PARVB: variants seen among roughly 807,000 people sequenced by gnomAD.
PARVB encodes beta-parvin.
PARVB carries 46 observed loss-of-function variants against 47.0 expected under a neutral mutation model. The observed-to-expected ratio is 0.98, with a 90% CI of 0.77 to 1.25. The LOEUF (loss-of-function observed/expected upper bound fraction) is 1.25. Among genes scored for constraint, PARVB ranks in the 50% most tolerant of loss-of-function variants. The pLI is 0.00. For synonymous variants in PARVB, 196 were observed against 196.3 expected (o/e 1.00, Z 0.01); for missense variants, 473 against 471.6 (o/e 1.00, Z -0.03).
chr22:44,116,348 A>T (rs994464804), intron 3 of PARVB: 1 of 152,176 alleles, frequency 6.6e-6, no homozygotes, highest in Non-Finnish European at 1.5e-5. Flanking sequence ...GGTCGTCATC[A>T]CCTGTGCAGG....
At chr22:44,009,557 A>G (rs1180506977) in intron 2 of PARVB, 1 of 151,732 alleles carries the variant, frequency 6.6e-6, no homozygotes, top group Non-Finnish European at 1.5e-5. Context: ...AAAGGTTTAT[A>G]TATATATGTA....
At chr22:44,114,855 A>G (rs1297136089) in intron 3 of PARVB, 3 of 138,380 alleles carry the variant, frequency 2.2e-5, no homozygotes, top group Admixed American at 7.0e-5. Context: ...ACACAGATAC[A>G]TTGTTACTAG....
At chr22:44,122,233 A>G (rs1002368981) in intron 4 of PARVB, among the ~76,000 whole-genome samples, 2 of 152,160 alleles carry the variant, frequency 1.3e-5, no homozygotes, top group Non-Finnish European at 2.9e-5. Context: ...GGCTCAGCCT[A>G]TCATCCCAGC....
chr22:44,148,297 G>A (rs1232446016), intron 9 of PARVB: 2 of 330,870 alleles, frequency 6.0e-6, no homozygotes, highest in Non-Finnish European at 1.2e-5. Flanking sequence ...AGGCCTGTGC[G>A]GCTGAGCTGT....
chr22:43,999,290 C>A, exon 1 of PARVB: 1 of 1,387,628 alleles, frequency 7.2e-7, no homozygotes, highest in Non-Finnish European at 9.9e-7. Flanking sequence ...CTGAATTCTC[C>A]CTTTTTAAAG....
Position 44,024,421 on chromosome 22 carries a change from AC to A in PARVB, c.85del (p.Leu29TrpfsTer10). On this transcript the variant is annotated frameshift_variant, in exon 1 of 13. Coordinates refer to ENST00000338758, the MANE Select transcript of PARVB (RefSeq NM_013327.5). LOFTEE classifies it high-confidence loss of function. ...DESFLGKLGG[T>X]LARKRRAREV... ...GTCGTTCCTGGGCAAGCTGGGCGGCACCCTGGCCAGGAAGCGGAGGGCGCGC... is the reference window on the plus strand; with the variant it reads ...GTCGTTCCTGGGCAAGCTGGGCGGCACCTGGCCAGGAAGCGGAGGGCGCGC... 2 of 1,230,158 alleles carry A rather than the reference AC, an allele frequency of 1.6e-6. No individual in the cohort carries two copies. The highest frequency in any genetic ancestry group is 1.0e-6 in the Non-Finnish European group (1 of 974,298). The allele number at this position is 1,230,158 out of a possible 1,614,324, so 76.2% of individuals were successfully genotyped here.
intron 1 of PARVB, among the ~76,000 whole-genome samples, chr22:44,024,886 C>G (rs1441157343): frequency 3.9e-5 from 6 of 152,318 alleles, no homozygotes; most frequent in Non-Finnish European, 8.8e-5. Context: ...GCGCGGGCGC[C>G]CTGCAGGGTG....
chr22:44,117,705 A>G (rs2052941016), intron 3 of PARVB, among the ~76,000 whole-genome samples: 1 of 152,210 alleles, frequency 6.6e-6, no homozygotes, highest in African/African-American at 2.4e-5. Context: ...CTTGTGGCCA[A>G]TATTGCAGGT....
At chr22:44,066,149 T>C (rs1230989798) in intron 1 of PARVB, among the ~76,000 whole-genome samples, 17 of 152,210 alleles carry the variant, frequency 1.1e-4, no homozygotes, top group Admixed American at 1.1e-3. Flanking sequence ...GTGGCTATGG[T>C]GGAATCTACC....
intron 4 of PARVB, among the ~76,000 whole-genome samples, chr22:44,122,588 G>GAC (rs1569134676): frequency 1.9e-4 from 23 of 122,518 alleles, no homozygotes; most frequent in Non-Finnish European, 3.2e-4. Context: ...GAGAGAGAGA[G>GAC]AGAGAGAGAG....
At chr22:44,059,963 A>G (rs561844047) in intron 1 of PARVB, among the ~76,000 whole-genome samples, 1 of 151,984 alleles carries the variant, frequency 6.6e-6, no homozygotes, top group African/African-American at 2.4e-5. Context: ...GTTCTTTCCT[A>G]TGTTGTGGGA....
chr22:44,022,839 C>T (rs145067226), upstream of PARVB, among the ~76,000 whole-genome samples: 748 of 152,002 alleles, frequency 4.9e-3, 11 homozygotes, highest in African/African-American at 0.017. Flanking sequence ...TTCCACCTCC[C>T]GAGTTCAAGC....
rs117697346 is a variant in PARVB at position 44,085,332 on chromosome 22, C to T, written c.113-8596C>T. The stretch of plus-strand genomic sequence containing the variant: ...TCTTTTTCTTTTTAATTTTTTGAGA[C>T]AAGATCTGGCTCTGTCACCCAGGCT... On this transcript the variant is annotated intron_variant, in intron 1 of 12. Transcript: ENST00000338758. Among the ~76,000 whole-genome samples the T allele has an allele frequency of 4.1e-3, 616 of 152,024 alleles. 3 individuals carry two copies. The highest frequency in any genetic ancestry group is 6.7e-3 in the Non-Finnish European group (453 of 67,998).
At chr22:44,041,055 T>C (rs994170357) in intron 1 of PARVB, among the ~76,000 whole-genome samples, 1 of 151,584 alleles carries the variant, frequency 6.6e-6, no homozygotes, top group Non-Finnish European at 1.5e-5. Flanking sequence ...TCCCACAGTT[T>C]GTGGGAATTA....
intron 1 of PARVB, among the ~76,000 whole-genome samples, chr22:44,052,560 A>G (rs1212364803): frequency 6.6e-6 from 1 of 152,230 alleles, no homozygotes; most frequent in Non-Finnish European, 1.5e-5. Context: ...CTGCCTCTGT[A>G]GGAATGAATC....
Position 44,024,968 on chromosome 22 carries a change from T to A in PARVB, c.112+517T>A, listed in dbSNP as rs11912777. Among the ~76,000 whole-genome samples, 828 of 150,882 alleles carry A rather than the reference T, an allele frequency of 5.5e-3. 10 individuals are homozygous for A. Among genetic ancestry groups the A allele is most frequent in the African/African-American group, 0.017 (716 of 41,154 alleles). On this transcript the variant is annotated intron_variant, in intron 1 of 12. Transcript: ENST00000338758. ...AGAATTGCAGAGATCCCATTAAAAA[T>A]TTTTTTTTTTAAATTTTTTACTGCG...
chr22:44,030,394 G>C (rs1017759874), intron 1 of PARVB, among the ~76,000 whole-genome samples: 1 of 152,200 alleles, frequency 6.6e-6, no homozygotes, highest in Admixed American at 6.5e-5. Context: ...CTCCTGAGGA[G>C]ACCCCCAGGC....
chr22:44,070,403 C>T (rs150700518), intron 1 of PARVB, among the ~76,000 whole-genome samples: 35 of 152,320 alleles, frequency 2.3e-4, no homozygotes, highest in African/African-American at 7.9e-4. Context: ...AATGCTCCTT[C>T]CCCACTTTTG....
chr22:44,063,693 G>A (rs976303817), intron 1 of PARVB, among the ~76,000 whole-genome samples: 1 of 152,112 alleles, frequency 6.6e-6, no homozygotes, highest in African/African-American at 2.4e-5. Flanking sequence ...TGGTTGTCCA[G>A]TTCACTCACT....
Sources: gnomAD v4.1 joint callset for allele counts (sites outside exome capture counted in the v4.1 genomes callset) on GRCh38, gnomAD v4.1.1 for gene constraint, MANE v1.5 for transcripts, NCBI Gene and HGNC (gene_info 2026-07-23, HGNC 2026-07-21) for gene names.